Variants in LCA5L observed in about 807,000 individuals in gnomAD.
LCA5L encodes the protein lebercilin LCA5 like.
A neutral mutation model predicts 45.4 loss-of-function variants in LCA5L; 35 were observed. That is an observed-to-expected ratio of 0.77 (90% confidence interval 0.59 to 1.02). LCA5L has a LOEUF of 1.02. Ranked by LOEUF, LCA5L falls within the 50% of genes least tolerant of loss-of-function variation. LCA5L has a pLI of 0.00. For synonymous variants in LCA5L, 233 were observed against 264.7 expected (o/e 0.88, Z 1.16); for missense variants, 668 against 761.6 (o/e 0.88, Z 1.45).
intron 5 of LCA5L, among the ~76,000 whole-genome samples, chr21:39,425,044 G>A (rs1016841664): frequency 2.6e-5 from 4 of 152,204 alleles, no homozygotes; most frequent in African/African-American, 4.8e-5. Flanking sequence ...AGGATATAGA[G>A]GTATATGTAT....
At chr21:39,431,302 A>G (rs1485703590) in intron 3 of LCA5L, among the ~76,000 whole-genome samples, 3 of 152,166 alleles carry the variant, frequency 2.0e-5, no homozygotes, top group Admixed American at 2.0e-4. Context: ...AAGTAATTGT[A>G]GCTTCTTAAA....
At chr21:39,441,717 T>C (rs192890965) in intron 2 of LCA5L, among the ~76,000 whole-genome samples, 1 of 152,328 alleles carries the variant, frequency 6.6e-6, no homozygotes, top group East Asian at 1.9e-4. Context: ...GCAAGTGCAA[T>C]GTACTGCACT....
In LCA5L at chr21:39,423,324, AT is replaced by A. The variant is rs1180917688; in HGVS notation, c.488del (p.His163LeufsTer13). On this transcript the variant is annotated frameshift_variant, in exon 6 of 11. Coordinates refer to ENST00000288350, the MANE Select transcript of LCA5L (RefSeq NM_152505.4). LOFTEE classifies it high-confidence loss of function. ...GLKNELADMH[H>X]KLEAILTENQ... Reference sequence around the variant, plus strand: ...TTTCTGTAAGGATGGCTTCCAATTTATGATGCATATCAGCTAATTCATTTTT... The same window carrying A: ...TTTCTGTAAGGATGGCTTCCAATTTAGATGCATATCAGCTAATTCATTTTT... 6.2e-7 allele frequency: 1 copy of A among 1,611,806 alleles called. No individual in the cohort carries two copies.
intron 7 of LCA5L, among the ~76,000 whole-genome samples, chr21:39,415,465 C>G (rs907500316): frequency 6.6e-6 from 1 of 152,216 alleles, no homozygotes; most frequent in Non-Finnish European, 1.5e-5. Context: ...GTTTCCCACT[C>G]TCTCTGACCA....
intron 2 of LCA5L, among the ~76,000 whole-genome samples, chr21:39,440,650 G>C (rs562661111): frequency 1.3e-5 from 2 of 152,210 alleles, no homozygotes; most frequent in Non-Finnish European, 2.9e-5. Context: ...ATTTGTGCTT[G>C]AACAGGTAAT....
intron 7 of LCA5L, among the ~76,000 whole-genome samples, chr21:39,418,872 A>C (rs2041777623): frequency 6.6e-6 from 1 of 152,154 alleles, no homozygotes; most frequent in Non-Finnish European, 1.5e-5. Flanking sequence ...AATTTATTTT[A>C]AAATTCCCCA....
chr21:39,421,938 C>T (rs1016069280), intron 6 of LCA5L: 1 of 152,076 alleles, frequency 6.6e-6, no homozygotes, highest in African/African-American at 2.4e-5. Context: ...ACATGAACAA[C>T]TTAGATACAT....
At chr21:39,410,770 ACTTTCCTGAAAAGTGAAGGAAATTAT>A in intron 8 of LCA5L, 1 of 466,288 alleles carries the variant, frequency 2.1e-6, no homozygotes, top group Non-Finnish European at 4.4e-6. Context: ...TCTAGACTGC[ACTTTCCTGAAAAGTGAAGGAAATTAT>A]ATCATTTAAA....
chr21:39,436,326 A>G (rs2076283385), intron 2 of LCA5L, among the ~76,000 whole-genome samples: 1 of 152,250 alleles, frequency 6.6e-6, no homozygotes. Flanking sequence ...TTGGTTAATA[A>G]TACAACTAGA....
intron 3 of LCA5L, among the ~76,000 whole-genome samples, chr21:39,432,676 C>T (rs1480833644): frequency 7.9e-5 from 12 of 152,166 alleles, no homozygotes; most frequent in Non-Finnish European, 1.8e-4. Flanking sequence ...CTTCCCTGCG[C>T]CTCACTCCCA....
At position 39,411,742 on chromosome 21, in the gene LCA5L, G is replaced by A. The variant is rs1050091193; in HGVS notation, c.1036C>T (p.His346Tyr). Residue 346 changes from histidine to tyrosine, a missense_variant, in exon 8 of 11, where the codon CAT becomes TAT. Transcript: ENST00000288350. ...CCTTTTGGATAGTCCTCTGTGTCAT[G>A]TAAATTTTTAAGTATTCGATGACTA... ...IYSHRILKNL[H>Y]DTEDYPKVSS... 1.1e-5 allele frequency: 17 copies of A among 1,566,090 alleles called. No individual in the cohort carries two copies. The highest frequency in any genetic ancestry group is 1.4e-5 in the Non-Finnish European group (16 of 1,143,454).
rs1339581466 is a variant in LCA5L, at chr21:39,409,167, C to T, written c.1282+812G>A. On this transcript the variant is annotated intron_variant, in intron 10 of 10. Coordinates refer to ENST00000288350, the MANE Select transcript of LCA5L (RefSeq NM_152505.4). The surrounding 1 kb of genome is among the most constrained non-coding windows in gnomAD (Gnocchi z 4.2). Reference sequence around the variant, plus strand: ...AAACACTGGAGCACTGGTGCTCTCTCCCCGACTCTCCTCGTGCGAGCACTA... The same window carrying T: ...AAACACTGGAGCACTGGTGCTCTCTTCCCGACTCTCCTCGTGCGAGCACTA... Among the ~76,000 whole-genome samples, 1 of 152,092 alleles carries T rather than the reference C, an allele frequency of 6.6e-6. No individual in the cohort carries two copies. The highest frequency in any genetic ancestry group is 1.5e-5 in the Non-Finnish European group (1 of 68,006).
At chr21:39,426,401 T>A (rs1304336973) in intron 5 of LCA5L, among the ~76,000 whole-genome samples, 1 of 152,222 alleles carries the variant, frequency 6.6e-6, no homozygotes, top group African/African-American at 2.4e-5. Context: ...CCCTCTTGCA[T>A]GATCCCACAA....
At chr21:39,435,181 C>T (rs1459448405) in intron 3 of LCA5L, among the ~76,000 whole-genome samples, 7 of 152,136 alleles carry the variant, frequency 4.6e-5, no homozygotes, top group Admixed American at 3.9e-4. Context: ...AAAATCTGAT[C>T]TGGTTGAGGT....
Position 39,423,113 on chromosome 21 carries a change from G to A in LCA5L, c.700C>T (p.Gln234Ter). 6.2e-7 allele frequency: 1 copy of A among 1,613,776 alleles called. No individual in the cohort carries two copies. Among genetic ancestry groups the A allele is most frequent in the Non-Finnish European group, 8.5e-7 (1 of 1,179,812 alleles). Residue 234 changes from glutamine to a stop codon, truncating the protein, a stop_gained, in exon 6 of 11, where the codon CAG (glutamine) becomes TAG (stop). Coordinates refer to ENST00000288350, the MANE Select transcript of LCA5L (RefSeq NM_152505.4). LOFTEE classifies it high-confidence loss of function. Reference sequence around the variant, plus strand: ...AAGATATCTTTAGTCTTCAGTAACTGGCTGTCAGTTTCTCTAAGTTTCCTA... The same window carrying A: ...AAGATATCTTTAGTCTTCAGTAACTAGCTGTCAGTTTCTCTAAGTTTCCTA... ...LSRKLRETDS[Q>*]LLKTKDILQA...
intron 7 of LCA5L, among the ~76,000 whole-genome samples, chr21:39,415,935 G>A (rs528894037): frequency 3.3e-5 from 5 of 152,214 alleles, no homozygotes; most frequent in South Asian, 2.1e-4. Context: ...GGTTCGGTTC[G>A]TTGGCATGAG....
rs1193950420 is a variant in LCA5L, at chr21:39,420,832, T to C, written c.849A>G (p.Lys283=). 5.6e-6 allele frequency: 9 copies of C among 1,612,548 alleles called. No homozygotes were observed. The highest frequency in any genetic ancestry group is 7.6e-6 in the Non-Finnish European group (9 of 1,178,842). The change falls in exon 7 of 11, where the codon AAA becomes AAG. Residue 283 remains lysine, a synonymous_variant. Transcript: ENST00000288350. ...AGGCTCTGCAGTTCAACCTCAGTTGTTTTTCCAAGCTCTGAAAACAGTATA... is the reference window on the plus strand; with the variant it reads ...AGGCTCTGCAGTTCAACCTCAGTTGCTTTTCCAAGCTCTGAAAACAGTATA... ...ANDKKIQSLE[K]QLRLNCRAFS...
At chr21:39,421,141 T>G (rs2042239225) in intron 6 of LCA5L, among the ~76,000 whole-genome samples, 1 of 151,536 alleles carries the variant, frequency 6.6e-6, no homozygotes. Flanking sequence ...CTTGCTCTGT[T>G]GCCCAGGCTG....
At chr21:39,423,829 C>T (rs1025462224) in intron 5 of LCA5L, among the ~76,000 whole-genome samples, 2 of 152,032 alleles carry the variant, frequency 1.3e-5, no homozygotes, top group African/African-American at 4.8e-5. Flanking sequence ...AAAATCTGTA[C>T]TTAGATTTCT....
Sources: gnomAD v4.1 joint callset for allele counts (sites outside exome capture counted in the v4.1 genomes callset) on GRCh38, gnomAD v4.1.1 for gene constraint, Gnocchi (gnomAD v3.1) non-coding constraint, MANE v1.5 for transcripts, NCBI Gene and HGNC (gene_info 2026-07-23, HGNC 2026-07-21) for gene names.